Variants in SOX5 observed in about 807,000 individuals in gnomAD.
SOX5 encodes the protein transcription factor SOX-5.
A neutral mutation model predicts 92.0 loss-of-function variants in SOX5; 9 were observed. That is an observed-to-expected ratio of 0.10 (90% CI 0.06 to 0.17). The LOEUF (loss-of-function observed/expected upper bound fraction) is 0.17. SOX5 is among the 10% of genes least tolerant of loss of function. SOX5 has a pLI of 1.00. For missense variants in SOX5, 642 were observed against 944.5 expected, an observed-to-expected ratio of 0.68 and a Z score of 4.20; for synonymous variants, 344 against 336.3, an observed-to-expected ratio of 1.02 and a Z score of -0.25.
At chr12:23,849,692 T>C (rs1198040562) in intron 2 of SOX5, among the ~76,000 whole-genome samples, 1 of 152,204 alleles carries the variant, frequency 6.6e-6, no homozygotes, top group Non-Finnish European at 1.5e-5. Context: ...AAATGAGATA[T>C]ATGCATTTAA....
intron 1 of SOX5, among the ~76,000 whole-genome samples, chr12:24,371,221 G>A (rs184282991): frequency 7.2e-4 from 109 of 152,324 alleles, no homozygotes; most frequent in African/African-American, 2.5e-3. Context: ...AATATAGGCA[G>A]CCTCTAGGGC....
chr12:23,829,362 T>C (rs1394296681), intron 3 of SOX5, among the ~76,000 whole-genome samples: 3 of 152,102 alleles, frequency 2.0e-5, no homozygotes, highest in East Asian at 3.9e-4. Context: ...AAAAATGCTA[T>C]GTATGCTGCC....
chr12:23,868,284 T>C lies in SOX5; in HGVS notation c.271-22091A>G, dbSNP rs374035579. On this transcript the variant is annotated intron_variant, in intron 2 of 14. Transcript: ENST00000451604. ...GGAAGATAAGAATGTTAAGATTTCT[T>C]TCTGCTGATTACTCCAACATGCTTA... is the stretch of plus-strand genomic sequence containing the variant. Among the ~76,000 whole-genome samples the C allele has an allele frequency of 9.9e-5, 15 of 152,282 alleles. No homozygotes were observed. In the East Asian group the frequency reaches 1.9e-3, roughly 20 times the overall value.
intron 4 of SOX5, among the ~76,000 whole-genome samples, chr12:24,056,626 G>T (rs1221135071): frequency 6.6e-6 from 1 of 152,048 alleles, no homozygotes; most frequent in Non-Finnish European, 1.5e-5. Flanking sequence ...TCATTCTGTT[G>T]CTTGCACAAA....
intron 1 of SOX5, among the ~76,000 whole-genome samples, chr12:24,417,886 A>G (rs145817755): frequency 1.3e-5 from 2 of 152,350 alleles, no homozygotes; most frequent in African/African-American, 4.8e-5. Context: ...TGCAAATGAC[A>G]TGTTTTAAGG....
rs748519737 is a variant in SOX5, at chr12:23,531,567, G to A, written c.*2652C>T. 5 of 152,044 alleles carry A rather than the reference G, an allele frequency of 3.3e-5. No homozygotes were observed. The highest frequency in any genetic ancestry group is 4.8e-5 in the African/African-American group (2 of 41,382). The allele number at this position is 152,044 out of a possible 1,614,324, so 9.4% of individuals were successfully genotyped here. ...CGTGAGAGGTGAACCCACATAAATC[G>A]GAAGGAATTTGTTAACAAAGACAGA... is the stretch of plus-strand genomic sequence containing the variant. On this transcript the variant is annotated 3_prime_UTR_variant, in exon 15 of 15. Transcript: ENST00000451604.
At chr12:24,201,323 C>A (rs528195580) in intron 4 of SOX5, among the ~76,000 whole-genome samples, 1 of 150,954 alleles carries the variant, frequency 6.6e-6, no homozygotes, top group East Asian at 2.0e-4. Context: ...CTGATAAAAT[C>A]ACATGATTTG....
At chr12:24,324,904 CTTTTT>C (rs368330808) in intron 2 of SOX5, among the ~76,000 whole-genome samples, 212 of 152,162 alleles carry the variant, frequency 1.4e-3, no homozygotes, top group South Asian at 8.7e-3. Context: ...CTTACTGAAT[CTTTTT>C]AAGTTTCATA....
At chr12:23,647,672 C>T (rs928047440) in intron 7 of SOX5, among the ~76,000 whole-genome samples, 1 of 152,200 alleles carries the variant, frequency 6.6e-6, no homozygotes, top group Non-Finnish European at 1.5e-5. Flanking sequence ...TTTCATCTTG[C>T]ACTTTTATGT....
intron 2 of SOX5, among the ~76,000 whole-genome samples, chr12:24,303,596 A>G (rs1948238216): frequency 6.6e-6 from 1 of 152,218 alleles, no homozygotes; most frequent in Non-Finnish European, 1.5e-5. Context: ...CAGGTATTCC[A>G]GATGTAATTC....
chr12:24,006,786 T>C (rs1330795026), intron 4 of SOX5, among the ~76,000 whole-genome samples: 1 of 152,116 alleles, frequency 6.6e-6, no homozygotes, highest in Non-Finnish European at 1.5e-5. Context: ...AGAAAAGATC[T>C]ATTGATTCAT....
At chr12:23,731,396 A>G (rs575899609) in intron 6 of SOX5, among the ~76,000 whole-genome samples, 138 of 152,276 alleles carry the variant, frequency 9.1e-4, no homozygotes, top group African/African-American at 3.1e-3. Flanking sequence ...ATCTATCTAT[A>G]TCATCCATAT....
rs118017660 is a variant in SOX5 at position 24,484,710 on chromosome 12, G to T, written c.-251+77619C>A. On this transcript the variant is annotated intron_variant, in intron 1 of 4. Transcript: ENST00000446891. ...ACAAAACAGCCCTTGTTTTCCTTGA[G>T]AAAATCGTGTCAAAAACATTTCTGA... Among the ~76,000 whole-genome samples, 827 of 152,244 alleles carry T rather than the reference G, an allele frequency of 5.4e-3. 5 individuals carry two copies. Among genetic ancestry groups the T allele is most frequent in the Middle Eastern group, 0.034 (10 of 294 alleles).
At chr12:24,131,243 C>T (rs1949620328) in intron 4 of SOX5, among the ~76,000 whole-genome samples, 1 of 152,198 alleles carries the variant, frequency 6.6e-6, no homozygotes, top group East Asian at 1.9e-4. Context: ...TGTTTAGGAT[C>T]TACATGCTAA....
chr12:23,605,923 C>T (rs1484568144), intron 8 of SOX5, among the ~76,000 whole-genome samples: 2 of 151,810 alleles, frequency 1.3e-5, no homozygotes, highest in African/African-American at 4.8e-5. Flanking sequence ...TAATAATTGT[C>T]TCATAAGGGT....
At chr12:23,752,351 A>G (rs1040929647) in intron 4 of SOX5, among the ~76,000 whole-genome samples, 1 of 151,900 alleles carries the variant, frequency 6.6e-6, no homozygotes, top group Non-Finnish European at 1.5e-5. Flanking sequence ...CCTCCCGTAC[A>G]CAGCTCTGCT....
intron 6 of SOX5, among the ~76,000 whole-genome samples, chr12:23,723,909 G>A (rs1189651101): frequency 1.3e-5 from 2 of 151,898 alleles, no homozygotes; most frequent in East Asian, 3.9e-4. Flanking sequence ...TTAAAGAGAT[G>A]ATATTTATCT....
intron 3 of SOX5, among the ~76,000 whole-genome samples, chr12:23,779,457 T>G (rs987517902): frequency 1.3e-5 from 2 of 150,988 alleles, no homozygotes; most frequent in African/African-American, 4.9e-5. Context: ...AAAATGCTAA[T>G]AAATGTTAAT....
chr12:23,640,818 T>A lies in SOX5; in HGVS notation c.1011A>T (p.Gln337His), dbSNP rs201582044. The change falls in exon 8 of 15, where the codon CAA becomes CAT. Residue 337 changes from glutamine to histidine, a missense_variant. By Grantham distance (24) the Gln-to-His change is conservative. This residue lies in a region of SOX5 where 324 missense variants were observed against 461.6 expected (regional missense o/e 0.70). Transcript: ENST00000451604. ...GTATTGTTTCCTGACTTACCTGCAG[T>A]TGGAGTGGGCCTAAGCCTGGTGTTG... ...AAATPGLGPLQLQQLYAAQLA... is the reference protein window; with the variant it reads ...AAATPGLGPLHLQQLYAAQLA... 2 of 1,612,810 alleles carry A rather than the reference T, an allele frequency of 1.2e-6. No homozygotes were observed. The highest frequency in any genetic ancestry group is 1.7e-6 in the Non-Finnish European group (2 of 1,178,768).
Sources: allele counts gnomAD v4.1 joint callset (sites outside exome capture counted in the v4.1 genomes callset), GRCh38; gene constraint gnomAD v4.1.1; regional missense constraint gnomAD v4.1.1; transcripts MANE v1.5; gene names NCBI Gene and HGNC (gene_info 2026-07-23, HGNC 2026-07-21).